Variants in ENTREP2 observed in about 807,000 individuals in gnomAD.
ENTREP2 encodes endosomal transmembrane epsin interactor 2, also known as protein ENTREP2.
At chr15:29,336,492 G>C in the ENTREP2 span, among the ~76,000 whole-genome samples, 2 of 151,896 alleles carry the variant, frequency 1.3e-5, no homozygotes, top group African/African-American at 4.8e-5. Context: ...TATTTTTTTA[G>C]TAGAGACAAG....
chr15:29,420,142 C>G, the ENTREP2 span, among the ~76,000 whole-genome samples: 1 of 152,168 alleles, frequency 6.6e-6, no homozygotes, highest in Non-Finnish European at 1.5e-5. Flanking sequence ...AAGATTCAGG[C>G]ACGAGTCTCA....
the ENTREP2 span, among the ~76,000 whole-genome samples, chr15:29,149,123 G>T: frequency 6.6e-6 from 1 of 151,920 alleles, no homozygotes; most frequent in African/African-American, 2.4e-5. Flanking sequence ...GTGATCTGCC[G>T]GCCTCCCAAA....
At chr15:29,631,870 C>T in the ENTREP2 span, among the ~76,000 whole-genome samples, 1 of 152,338 alleles carries the variant, frequency 6.6e-6, no homozygotes, top group African/African-American at 2.4e-5. Flanking sequence ...CACACCCCCT[C>T]CCTGGCCTCT....
chr15:29,163,161 C>T, the ENTREP2 span, among the ~76,000 whole-genome samples: 13 of 152,192 alleles, frequency 8.5e-5, no homozygotes, highest in Non-Finnish European at 1.2e-4. Context: ...ATCTGAACAA[C>T]AGCCTTCAGC....
the ENTREP2 span, among the ~76,000 whole-genome samples, chr15:29,243,331 T>G: frequency 6.6e-6 from 1 of 152,092 alleles, no homozygotes; most frequent in Non-Finnish European, 1.5e-5. Context: ...CGTTAGAAAT[T>G]AACAGTAAAA....
chr15:29,338,209 G>A, the ENTREP2 span, among the ~76,000 whole-genome samples: 1 of 151,934 alleles, frequency 6.6e-6, no homozygotes, highest in Non-Finnish European at 1.5e-5. Context: ...TTTAGGGAGT[G>A]AGGAGTGCAT....
the ENTREP2 span, among the ~76,000 whole-genome samples, chr15:29,534,689 A>G: frequency 6.6e-6 from 1 of 152,192 alleles, no homozygotes; most frequent in African/African-American, 2.4e-5. Context: ...GGCACCCTAT[A>G]AAAACGTGGC....
chr15:29,471,085 T>C, the ENTREP2 span, among the ~76,000 whole-genome samples: 1 of 152,152 alleles, frequency 6.6e-6, no homozygotes, highest in Admixed American at 6.5e-5. Flanking sequence ...GCACTGGTTT[T>C]TTATAGTGCC....
chr15:29,147,365 T>C, the ENTREP2 span, among the ~76,000 whole-genome samples: 1 of 152,178 alleles, frequency 6.6e-6, no homozygotes, highest in Non-Finnish European at 1.5e-5. Flanking sequence ...ACCACTACGA[T>C]GGTTATAATT....
At chr15:29,450,463 C>A in the ENTREP2 span, among the ~76,000 whole-genome samples, 25 of 151,924 alleles carry the variant, frequency 1.6e-4, no homozygotes, top group African/African-American at 5.8e-4. Flanking sequence ...CCAGCTATCC[C>A]GGCACCATTT....
the ENTREP2 span, among the ~76,000 whole-genome samples, chr15:29,453,632 C>T: frequency 6.6e-6 from 1 of 152,140 alleles, no homozygotes; most frequent in Non-Finnish European, 1.5e-5. Flanking sequence ...GTGGAGAACA[C>T]ACAGAAAAGA....
the ENTREP2 span, among the ~76,000 whole-genome samples, chr15:29,473,491 T>C: frequency 6.6e-6 from 1 of 152,202 alleles, no homozygotes; most frequent in African/African-American, 2.4e-5. Context: ...CATTCTGTAC[T>C]GTGAACTCTC....
chr15:29,619,721 A>C, the ENTREP2 span, among the ~76,000 whole-genome samples: 3 of 152,116 alleles, frequency 2.0e-5, no homozygotes, highest in Non-Finnish European at 4.4e-5. Flanking sequence ...TGTCCCATGC[A>C]GGTGCAGGGT....
chr15:29,279,916 T>C, the ENTREP2 span, among the ~76,000 whole-genome samples: 1 of 152,052 alleles, frequency 6.6e-6, no homozygotes, highest in Non-Finnish European at 1.5e-5. Context: ...CAATTTCTTA[T>C]CTAGACTTTC....
At chr15:29,219,622 T>A in the ENTREP2 span, among the ~76,000 whole-genome samples, 14 of 16,046 alleles carry the variant, frequency 8.7e-4, no homozygotes, top group Non-Finnish European at 1.8e-3. Flanking sequence ...TAAATATATA[T>A]ATATATATAT....
the ENTREP2 span, among the ~76,000 whole-genome samples, chr15:29,444,158 A>C: frequency 7.7e-5 from 7 of 91,382 alleles, no homozygotes; most frequent in South Asian, 3.3e-4. Context: ...GACAGACAGA[A>C]AGAAAGACAG....
At chr15:29,460,316 T>C in the ENTREP2 span, among the ~76,000 whole-genome samples, 1 of 152,098 alleles carries the variant, frequency 6.6e-6, no homozygotes, top group Non-Finnish European at 1.5e-5. Context: ...AAACAATGTA[T>C]GTGTCAGTTA....
At chr15:29,368,336 A>AT in the ENTREP2 span, among the ~76,000 whole-genome samples, 74 of 143,174 alleles carry the variant, frequency 5.2e-4, no homozygotes, top group African/African-American at 1.6e-3. Context: ...TCAAAAAAAA[A>AT]AATATATATA....
chr15:29,137,124 G>T, the ENTREP2 span: 1 of 1,475,966 alleles, frequency 6.8e-7, no homozygotes, highest in African/African-American at 1.5e-5. Flanking sequence ...GAAATCCAGG[G>T]TCTGGTGGAG....
Sources: allele counts gnomAD v4.1 joint callset (sites outside exome capture counted in the v4.1 genomes callset), GRCh38; gene constraint gnomAD v4.1.1; transcripts MANE v1.5; gene names NCBI Gene and HGNC (gene_info 2026-07-23, HGNC 2026-07-21).